The following GARIN5B variants were observed in gnomAD, a reference collection of about 807,000 sequenced individuals.
The protein encoded by GARIN5B is Golgi-associated RAB2 interactor protein 5B.
the GARIN5B span, chr19:55,359,686 C>T: frequency 8.4e-6 from 13 of 1,551,382 alleles, no homozygotes; most frequent in African/African-American, 8.2e-5. Flanking sequence ...GTGGTGGCCC[C>T]GGCCCCTGGT....
the GARIN5B span, chr19:55,359,764 A>G: frequency 6.4e-7 from 1 of 1,551,348 alleles, no homozygotes; most frequent in Non-Finnish European, 8.7e-7. Context: ...AGAGGCAGGC[A>G]GCCGGGGGAT....
chr19:55,360,038 G>T, the GARIN5B span: 4 of 1,474,232 alleles, frequency 2.7e-6, no homozygotes, highest in Non-Finnish European at 3.6e-6. Context: ...CCCCAGACCC[G>T]GGAGGGCAGA....
chr19:55,360,342 C>T, the GARIN5B span, among the ~76,000 whole-genome samples: 3 of 148,822 alleles, frequency 2.0e-5, no homozygotes, highest in South Asian at 4.2e-4. Context: ...GAGTCCAGAC[C>T]CCCAGCCCCT....
chr19:55,358,338 C>T, the GARIN5B span: 1 of 1,528,450 alleles, frequency 6.5e-7, no homozygotes, highest in Non-Finnish European at 8.8e-7. Flanking sequence ...GACGCCCTGG[C>T]TGTGGCCTCC....
the GARIN5B span, chr19:55,363,151 C>G: frequency 4.5e-6 from 6 of 1,347,502 alleles, no homozygotes; most frequent in East Asian, 1.8e-4. This position sits in a 1 kb window ranked among gnomAD's most constrained non-coding sequence, Gnocchi z 4.0. Context: ...AGCCTTGACC[C>G]GTGGGGCTTC....
chr19:55,361,482 A>C, the GARIN5B span: 1 of 1,457,104 alleles, frequency 6.9e-7, no homozygotes, highest in Non-Finnish European at 9.1e-7. Flanking sequence ...CCACATCTCC[A>C]TAACCTACCC....
At chr19:55,357,470 G>A in the GARIN5B span, among the ~76,000 whole-genome samples, 103 of 152,224 alleles carry the variant, frequency 6.8e-4, 1 homozygote, top group Non-Finnish European at 1.1e-3. Context: ...CTCAGGGACT[G>A]CAGTGGCTGT....
chr19:55,360,890 G>A, the GARIN5B span: 1 of 1,544,548 alleles, frequency 6.5e-7, no homozygotes, highest in Non-Finnish European at 8.8e-7. Flanking sequence ...TGTCGGGGCG[G>A]GGGTCTGAGT....
chr19:55,358,333 C>G, the GARIN5B span: 1 of 1,531,394 alleles, frequency 6.5e-7, no homozygotes, highest in Admixed American at 2.1e-5. Context: ...GCTGGGACGC[C>G]CTGGCTGTGG....
the GARIN5B span, chr19:55,362,859 C>CG: frequency 3.2e-5 from 47 of 1,468,518 alleles, no homozygotes; most frequent in African/African-American, 4.3e-4. Flanking sequence ...TCCCCCAGCA[C>CG]GGGGGGCCTT....
chr19:55,359,770 G>T, the GARIN5B span: 1 of 1,551,402 alleles, frequency 6.4e-7, no homozygotes, highest in Non-Finnish European at 8.7e-7. Context: ...AGGCAGCCGG[G>T]GGATAGGGAG....
At chr19:55,360,626 G>A in the GARIN5B span, 1 of 1,524,036 alleles carries the variant, frequency 6.6e-7, no homozygotes. Flanking sequence ...AGACCCAGGA[G>A]TCCAGGCCTC....
chr19:55,360,204 C>CT, the GARIN5B span, among the ~76,000 whole-genome samples: 1 of 138,576 alleles, frequency 7.2e-6, no homozygotes, highest in African/African-American at 2.9e-5. Context: ...GGCCCCAGCT[C>CT]CTCCTCCCTC....
chr19:55,362,624 C>A, the GARIN5B span: 1 of 1,547,346 alleles, frequency 6.5e-7, no homozygotes, highest in South Asian at 1.2e-5. Flanking sequence ...GCGGGCTGGC[C>A]GATCAGCAAG....
At chr19:55,358,424 G>T in the GARIN5B span, 1 of 1,509,552 alleles carries the variant, frequency 6.6e-7, no homozygotes, top group Non-Finnish European at 8.9e-7. Flanking sequence ...GGGGATAGGC[G>T]CCTGGGAGAT....
the GARIN5B span, chr19:55,359,918 T>A: frequency 6.4e-7 from 1 of 1,551,226 alleles, no homozygotes; most frequent in Non-Finnish European, 8.7e-7. Context: ...TGAGACACAG[T>A]GTGAAGGGCT....
the GARIN5B span, chr19:55,354,934 C>A: frequency 1.7e-5 from 4 of 236,602 alleles, no homozygotes; most frequent in Admixed American, 1.6e-4. Flanking sequence ...GCTTTAATCT[C>A]TGCGAAGTTG....
At chr19:55,362,156 C>T in the GARIN5B span, 1 of 1,431,846 alleles carries the variant, frequency 7.0e-7, no homozygotes, top group Non-Finnish European at 9.2e-7. Flanking sequence ...CCGGCCTAGA[C>T]TTTGGGCTCT....
chr19:55,358,584 G>A, the GARIN5B span: 5 of 1,551,158 alleles, frequency 3.2e-6, no homozygotes, highest in Non-Finnish European at 4.4e-6. Flanking sequence ...ACCCAGGTGT[G>A]CGACTCTGGC....
Sources: gnomAD v4.1 joint callset for allele counts (sites outside exome capture counted in the v4.1 genomes callset) on GRCh38, gnomAD v4.1.1 for gene constraint, Gnocchi (gnomAD v3.1) non-coding constraint, MANE v1.5 for transcripts, NCBI Gene and HGNC (gene_info 2026-07-23, HGNC 2026-07-21) for gene names.